The following GRM8 variants were observed in gnomAD, a reference collection of about 807,000 sequenced individuals.
The protein encoded by GRM8 is metabotropic glutamate receptor 8.
In GRM8, 47 loss-of-function variants were observed where a neutral mutation model predicts 87.2. That is an observed-to-expected ratio of 0.54 (90% confidence interval 0.43 to 0.69). The LOEUF is 0.69. GRM8 is among the 30% of genes least tolerant of loss of function. The probability of loss-of-function intolerance (pLI) is 0.00; values close to 1 mark genes in which losing one functional copy is unlikely to be tolerated. For synonymous variants in GRM8, 396 were observed against 404.5 expected (o/e 0.98, Z 0.25); for missense variants, 1,019 against 1,139.2 (o/e 0.89, Z 1.52).
intron 7 of GRM8, among the ~76,000 whole-genome samples, chr7:126,655,473 C>G (rs947585469): frequency 4.8e-5 from 7 of 146,752 alleles, no homozygotes; most frequent in African/African-American, 1.8e-4. Context: ...TATGGTCTTT[C>G]TCTCTCTCTC....
At chr7:126,930,084 C>G (rs1366793632) in intron 3 of GRM8, among the ~76,000 whole-genome samples, 1 of 152,094 alleles carries the variant, frequency 6.6e-6, no homozygotes, top group African/African-American at 2.4e-5. Flanking sequence ...GTGTCTTCAC[C>G]AATTAGAATG....
rs61753365 is a variant in GRM8 at position 126,533,848 on chromosome 7, G to C, written c.1534C>G (p.Pro512Ala). 5,603 of 1,613,848 alleles carry C rather than the reference G, an allele frequency of 3.5e-3. 159 individuals carry two copies. The African/African-American group carries it at 0.065, about 19-fold the overall frequency. Residue 512 changes from proline to alanine, a missense_variant, in exon 9 of 11, where the codon CCG becomes GCG. Physicochemically the swap from Pro to Ala is conservative, Grantham distance 27 (BLOSUM62 -1). Coordinates refer to ENST00000339582, the MANE Select transcript of GRM8 (RefSeq NM_000845.3). ...CACGGCAGGCTGCAGACAGACGCCG[G>C]GTGAGTATGTTCTCTATGAGCCCAC... Reference protein sequence around the residue: ...MQWAHREHTHPASVCSLPCKP... With the variant: ...MQWAHREHTHAASVCSLPCKP...
chr7:126,902,143 G>A (rs114448156), intron 6 of GRM8, among the ~76,000 whole-genome samples: 2,059 of 152,228 alleles, frequency 0.014, 42 homozygotes, highest in African/African-American at 0.047. Flanking sequence ...AGAGGACAGC[G>A]ATTAAAATAG....
At chr7:126,552,215 C>T (rs1201100739) in intron 8 of GRM8, among the ~76,000 whole-genome samples, 1 of 152,080 alleles carries the variant, frequency 6.6e-6, no homozygotes, top group Non-Finnish European at 1.5e-5. Context: ...TTGTTGGTAT[C>T]ATTTGTATGA....
intron 3 of GRM8, among the ~76,000 whole-genome samples, chr7:126,989,602 C>CGG (rs1812435261): frequency 6.6e-6 from 1 of 152,098 alleles, no homozygotes; most frequent in South Asian, 2.1e-4. Flanking sequence ...ACTACTGTAT[C>CGG]CACTTCAAGG....
At chr7:127,205,539 C>T (rs1036193103) in intron 2 of GRM8, among the ~76,000 whole-genome samples, 1 of 152,228 alleles carries the variant, frequency 6.6e-6, no homozygotes, top group East Asian at 1.9e-4. Context: ...TGACACACTG[C>T]CACATCTACA....
chr7:127,252,894 C>A lies in GRM8; in HGVS notation c.-409G>T. 1 of 213,970 alleles carries A rather than the reference C, an allele frequency of 4.7e-6. No homozygotes were observed. The highest frequency in any genetic ancestry group is 9.0e-6 in the Non-Finnish European group (1 of 111,576). 13.3% of individuals were successfully genotyped at this position (213,970 alleles called of 1,614,324 possible). A position where few individuals can be genotyped will look rare whatever the true frequency, so the allele number is the denominator to read the frequency against. On this transcript the variant is annotated 5_prime_UTR_variant, in exon 1 of 11. Coordinates refer to ENST00000339582, the MANE Select transcript of GRM8 (RefSeq NM_000845.3). This position sits in a 1 kb window ranked among gnomAD's most constrained non-coding sequence, Gnocchi z 4.9. ...CGCCGCCGCCGCCGCGTGAGGCGAG[C>A]ACAGCGGCCGCACTTGTGGCTGATC...
At chr7:126,570,872 T>C (rs189818769) in intron 8 of GRM8, among the ~76,000 whole-genome samples, 3 of 152,350 alleles carry the variant, frequency 2.0e-5, no homozygotes, top group African/African-American at 7.2e-5. Context: ...TCCCCAAACC[T>C]TGGCTTTTCA....
At position 126,663,751 on chromosome 7, in the gene GRM8, C is replaced by T. The variant is rs184564602; in HGVS notation, c.1358-54253G>A. Among the ~76,000 whole-genome samples the T allele has an allele frequency of 2.4e-3, 365 of 152,180 alleles. 2 individuals carry two copies. Among genetic ancestry groups the T allele is most frequent in the African/African-American group, 8.4e-3 (348 of 41,534 alleles). ...AGGAACAAGACAAGGATGCCTGCTC[C>T]CACCACTCCTATTCAACATAGTACT... On this transcript the variant is annotated intron_variant, in intron 7 of 10. Coordinates refer to ENST00000339582, the MANE Select transcript of GRM8 (RefSeq NM_000845.3).
chr7:126,905,663 T>G (rs1802602657), intron 3 of GRM8, among the ~76,000 whole-genome samples: 1 of 152,164 alleles, frequency 6.6e-6, no homozygotes, highest in South Asian at 2.1e-4. Context: ...TTCTACGCAC[T>G]GGGCTCAACA....
intron 8 of GRM8, among the ~76,000 whole-genome samples, chr7:126,550,371 C>A (rs1220620277): frequency 6.6e-6 from 1 of 152,010 alleles, no homozygotes; most frequent in Non-Finnish European, 1.5e-5. Context: ...CTCAGCCTCC[C>A]AAAGTGCTGG....
At chr7:126,607,752 G>C (rs1798503804) in intron 8 of GRM8, among the ~76,000 whole-genome samples, 2 of 151,758 alleles carry the variant, frequency 1.3e-5, no homozygotes, top group South Asian at 4.2e-4. Flanking sequence ...CAATGTGAAG[G>C]TTAGTTACAT....
intron 2 of GRM8, among the ~76,000 whole-genome samples, chr7:127,160,544 C>T (rs987609411): frequency 6.6e-6 from 1 of 152,128 alleles, no homozygotes; most frequent in African/African-American, 2.4e-5. Flanking sequence ...CGCACACACA[C>T]ACACACACAC....
At chr7:126,672,321 C>A (rs1380619167) in intron 7 of GRM8, among the ~76,000 whole-genome samples, 1 of 152,158 alleles carries the variant, frequency 6.6e-6, no homozygotes, top group Non-Finnish European at 1.5e-5. Context: ...GGATGCTCTT[C>A]CCTCTCTTCC....
At chr7:126,557,226 A>T (rs1793240176) in intron 8 of GRM8, among the ~76,000 whole-genome samples, 1 of 152,192 alleles carries the variant, frequency 6.6e-6, no homozygotes, top group Non-Finnish European at 1.5e-5. Flanking sequence ...GAAAACTTTG[A>T]AATCTTAAAA....
rs554613072 is a variant in GRM8, at chr7:126,823,069, C to T, written c.1157-53004G>A. Among the ~76,000 whole-genome samples the T allele has an allele frequency of 1.1e-4, 16 of 152,284 alleles. No individual in the cohort carries two copies. The South Asian group carries it at 2.9e-3, about 28-fold the overall frequency. ...CACCAAACCTACTAAGCCACTTATA[C>T]ATATAAACACAACAAAGTAGACAGT... On this transcript the variant is annotated intron_variant, in intron 6 of 10. Transcript: ENST00000339582.
chr7:126,885,834 C>T (rs142681084), intron 6 of GRM8, among the ~76,000 whole-genome samples: 448 of 152,180 alleles, frequency 2.9e-3, no homozygotes, highest in Middle Eastern at 0.02. Flanking sequence ...GAAATAAAAA[C>T]AGGAAATCCA....
chr7:126,727,851 G>C (rs968475224), intron 7 of GRM8, among the ~76,000 whole-genome samples: 1 of 152,108 alleles, frequency 6.6e-6, no homozygotes, highest in Non-Finnish European at 1.5e-5. Flanking sequence ...CTGAAAACTT[G>C]AGTAGCTGGG....
At chr7:127,073,906 G>A (rs1401539083) in intron 3 of GRM8, among the ~76,000 whole-genome samples, 3 of 152,180 alleles carry the variant, frequency 2.0e-5, no homozygotes, top group Admixed American at 6.5e-5. Flanking sequence ...TTTTTGTAAG[G>A]AGTTTTTGTC....
Sources: allele counts gnomAD v4.1 joint callset (sites outside exome capture counted in the v4.1 genomes callset), GRCh38; gene constraint gnomAD v4.1.1; non-coding constraint Gnocchi (gnomAD v3.1); transcripts MANE v1.5; gene names NCBI Gene and HGNC (gene_info 2026-07-23, HGNC 2026-07-21).